The following WDFY4 variants were observed in gnomAD, a reference collection of about 807,000 sequenced individuals.
The protein encoded by WDFY4 is WD repeat- and FYVE domain-containing protein 4.
A neutral mutation model predicts 351.9 loss-of-function variants in WDFY4; 169 were observed. That is an observed-to-expected ratio of 0.48 (90% confidence interval 0.42 to 0.55). The LOEUF (loss-of-function observed/expected upper bound fraction) is 0.55, where lower values mean the gene tolerates loss of function less well. Among genes scored for constraint, WDFY4 ranks in the 20% least tolerant of loss-of-function variants. The pLI is 0.00. For synonymous variants in WDFY4, 1,622 were observed against 1,574.6 expected (o/e 1.03, Z -0.71); for missense variants, 3,803 against 3,935.6 (o/e 0.97, Z 0.90).
In WDFY4 at chr10:48,828,763, T is replaced by C; in HGVS notation, c.6222-15T>C. ...GAATTTATTGGATTTTAGTGAAAAA[T>C]CTCTTATCCACTAGTTACCCAGAAG... On this transcript the variant is annotated splice_polypyrimidine_tract_variant and intron_variant, in intron 36 of 61. Transcript: ENST00000325239. The C allele has an allele frequency of 6.9e-7, 1 of 1,441,848 alleles. No individual in the cohort carries two copies. Among genetic ancestry groups the C allele is most frequent in the South Asian group, 1.3e-5 (1 of 76,592 alleles). The allele number at this position is 1,441,848 out of a possible 1,614,324, so 89.3% of individuals were successfully genotyped here. A position where few individuals can be genotyped will look rare whatever the true frequency, so the allele number is the denominator to read the frequency against.
chr10:48,982,623 G>T lies in WDFY4; in HGVS notation c.*48G>T. On this transcript the variant is annotated 3_prime_UTR_variant, in exon 62 of 62. Transcript: ENST00000325239. Reference sequence around the variant, plus strand: ...CTGGCACAACAGTGCCAGGCTGAGGGTGGCAGAGGTGACTGGGGCCTGAGC... The same window carrying T: ...CTGGCACAACAGTGCCAGGCTGAGGTTGGCAGAGGTGACTGGGGCCTGAGC... 6.6e-7 allele frequency: 1 copy of T among 1,524,656 alleles called. No individual in the cohort carries two copies. The highest frequency in any genetic ancestry group is 1.4e-5 in the African/African-American group (1 of 72,424). The allele number at this position is 1,524,656 out of a possible 1,614,324, so 94.4% of individuals were successfully genotyped here.
chr10:48,903,388 T>C (rs1284131499), intron 47 of WDFY4, among the ~76,000 whole-genome samples: 1 of 151,922 alleles, frequency 6.6e-6, no homozygotes, highest in African/African-American at 2.4e-5. Context: ...TAGACTGGAG[T>C]GGGTCAAAGG....
At chr10:48,869,792 T>C (rs77280309) in intron 40 of WDFY4, among the ~76,000 whole-genome samples, 3,702 of 152,278 alleles carry the variant, frequency 0.024, 159 homozygotes, top group African/African-American at 0.084. Context: ...GCCTGACAAC[T>C]CAGAAATGGC....
intron 51 of WDFY4, among the ~76,000 whole-genome samples, chr10:48,953,333 T>TCTCACACACACA (rs771339557): frequency 3.1e-4 from 40 of 128,226 alleles, no homozygotes; most frequent in South Asian, 5.7e-4. Flanking sequence ...TCTCTCTCTC[T>TCTCACACACACA]CACACACACA....
intron 18 of WDFY4, 119 bp from the exon 19 acceptor site, chr10:48,779,822 G>T: frequency 9.8e-7 from 1 of 1,025,038 alleles, no homozygotes; most frequent in Non-Finnish European, 1.4e-6. Context: ...ATGAGAGGAG[G>T]ATCTAGGGCT....
intron 48 of WDFY4, 114 bp downstream of exon 48, chr10:48,941,962 A>G: frequency 1.1e-6 from 1 of 884,468 alleles, no homozygotes; most frequent in East Asian, 3.0e-5. Flanking sequence ...CTTATTATTT[A>G]TTATTATTAT....
intron 19 of WDFY4, among the ~76,000 whole-genome samples, chr10:48,783,501 T>C (rs914281031): frequency 4.7e-5 from 7 of 149,798 alleles, no homozygotes; most frequent in African/African-American, 1.7e-4. Context: ...ATATATCTTA[T>C]GTATAAAATC....
At chr10:48,901,700 A>C in intron 46 of WDFY4, 101 bp from the exon 47 acceptor site, 1 of 1,291,230 alleles carries the variant, frequency 7.7e-7, no homozygotes. Context: ...GAGGGGGAGC[A>C]ATAATGAGCC....
chr10:48,973,408 A>G (rs143080459), intron 57 of WDFY4, among the ~76,000 whole-genome samples: 67 of 152,292 alleles, frequency 4.4e-4, no homozygotes, highest in African/African-American at 1.5e-3. Context: ...TCATGTTAGG[A>G]TCCATTAAGG....
chr10:48,890,391 G>A (rs1032758672), intron 43 of WDFY4, among the ~76,000 whole-genome samples, 188 bp from the exon 44 acceptor site: 1 of 152,062 alleles, frequency 6.6e-6, no homozygotes, highest in Admixed American at 6.5e-5. Context: ...GCCCAGGTGG[G>A]GTGTGGTAGT....
rs74628636 is a variant in WDFY4 at position 48,925,451 on chromosome 10, C to T, written c.7587-16355C>T. 2.5e-3 allele frequency among the ~76,000 whole-genome samples: 385 copies of T among 152,342 alleles called. 2 individuals are homozygous for T. Among genetic ancestry groups the T allele is most frequent in the African/African-American group, 8.6e-3 (357 of 41,578 alleles). The stretch of plus-strand genomic sequence containing the variant: ...TCAGGCATAGCTTGGAGAATTACCC[C>T]TTGTCCAAAGATCATTCTGGGCCCG... On this transcript the variant is annotated intron_variant, in intron 47 of 61. Transcript: ENST00000325239.
rs1555010319 is a variant in WDFY4, at chr10:48,787,807, C to CTCTTCT, written c.3809-676_3809-671dup. Among the ~76,000 whole-genome samples, 458 of 76,728 alleles carry CTCTTCT rather than the reference C, an allele frequency of 6.0e-3. 20 individuals carry two copies. The highest frequency in any genetic ancestry group is 8.0e-3 in the Non-Finnish European group (329 of 40,884). The allele number at this position is 76,728 out of a possible 152,430, so 50.3% of individuals were successfully genotyped here. Reference sequence around the variant, plus strand: ...CCTCTTCCTCCTCCTCCTCCTCCTCCTCTTCTTCTTCTTCTTCTTCTTCTT... The same window carrying CTCTTCT: ...CCTCTTCCTCCTCCTCCTCCTCCTCCTCTTCTTCTTCTTCTTCTTCTTCTTCTTCTT... On this transcript the variant is annotated intron_variant, in intron 20 of 61. Coordinates refer to ENST00000325239, the MANE Select transcript of WDFY4 (RefSeq NM_001394531.1).
chr10:48,819,616 C>A (rs1015202062), intron 32 of WDFY4, among the ~76,000 whole-genome samples: 5 of 152,138 alleles, frequency 3.3e-5, no homozygotes, highest in African/African-American at 1.2e-4. Flanking sequence ...GGGGTAATGA[C>A]CCCTGTCTCG....
intron 46 of WDFY4, 79 bp from the exon 47 acceptor site, chr10:48,901,722 C>T (rs1378610097): frequency 1.8e-5 from 27 of 1,461,444 alleles, no homozygotes; most frequent in South Asian, 8.5e-5. Flanking sequence ...AGCTTCCTGC[C>T]TGACTCCGGA....
chr10:48,769,674 C>G (rs2683610), intron 13 of WDFY4, among the ~76,000 whole-genome samples: 65,882 of 152,050 alleles, frequency 0.43, 16,636 homozygotes, highest in Non-Finnish European at 0.55. Flanking sequence ...AATGCTGAAC[C>G]CAACACCCAT....
chr10:48,886,989 A>C (rs1260709512), intron 43 of WDFY4, among the ~76,000 whole-genome samples: 1 of 152,272 alleles, frequency 6.6e-6, no homozygotes, highest in African/African-American at 2.4e-5. Context: ...TAAATGGAAG[A>C]GCAGGTAATA....
chr10:48,880,979 C>T (rs1211493152), intron 43 of WDFY4, among the ~76,000 whole-genome samples: 1 of 152,208 alleles, frequency 6.6e-6, no homozygotes, highest in Non-Finnish European at 1.5e-5. Context: ...CTTGCCTCCA[C>T]TTACAGGCCT....
chr10:48,711,334 T>C (rs1421684420), intron 2 of WDFY4, among the ~76,000 whole-genome samples: 2 of 152,206 alleles, frequency 1.3e-5, no homozygotes, highest in African/African-American at 4.8e-5. Flanking sequence ...TTAGTAAAGA[T>C]AGCTAAAGAT....
At chr10:48,811,412 T>A (rs1349031884) in intron 29 of WDFY4, 127 bp from the exon 30 acceptor site, 5 of 775,698 alleles carry the variant, frequency 6.4e-6, no homozygotes, top group African/African-American at 1.7e-5. Context: ...TATGTGTGAA[T>A]ATATTTTATC....
Sources: allele counts gnomAD v4.1 joint callset (sites outside exome capture counted in the v4.1 genomes callset), GRCh38; gene constraint gnomAD v4.1.1; transcripts MANE v1.5; gene names NCBI Gene and HGNC (gene_info 2026-07-23, HGNC 2026-07-21).